ZNF483: variants seen among roughly 807,000 people sequenced by gnomAD.
The protein encoded by ZNF483 is zinc finger protein 483, also known as zinc finger protein HIT-10.
Under a neutral mutation model 28.6 loss-of-function variants are expected in ZNF483, and 9 were observed. The ratio of observed to expected loss-of-function variants is 0.32; its 90% CI spans 0.19 to 0.55. ZNF483 has a LOEUF of 0.55. ZNF483 is among the 20% of genes least tolerant of loss of function. ZNF483 has a pLI of 0.93. For synonymous variants in ZNF483, 322 were observed against 306.2 expected (o/e 1.05, Z -0.54); for missense variants, 675 against 871.7 (o/e 0.77, Z 2.84).
At position 111,533,885 on chromosome 9, in the gene ZNF483, A is replaced by G. The variant is rs112665768; in HGVS notation, c.628+20A>G. ...TTCTGGGTAAAGACACCTTTTCTTC[A>G]TTACCTAGCGTTTAACCTTGGGTCT... On this transcript the variant is annotated intron_variant, in intron 4 of 5. Transcript: ENST00000309235. 9 of 1,587,284 alleles carry G rather than the reference A, an allele frequency of 5.7e-6. No homozygotes were observed. The highest frequency in any genetic ancestry group is 6.8e-6 in the Non-Finnish European group (8 of 1,173,532).
rs1827977947 is a variant in ZNF483, at chr9:111,552,017, T to G, written c.*8847T>G. On this transcript the variant is annotated 3_prime_UTR_variant, in exon 6 of 6. Transcript: ENST00000309235. ...TTTGTATTATGAAATGTTTCTATTG[T>G]AAATAAATTCTTTTACCTGTCTAGC... 6.6e-6 allele frequency among the ~76,000 whole-genome samples: 1 copy of G among 152,232 alleles called. No homozygotes were observed. Among genetic ancestry groups the G allele is most frequent in the Non-Finnish European group, 1.5e-5 (1 of 68,032 alleles).
chr9:111,570,772 C>G (rs767438080), intron 5 of ZNF483, among the ~76,000 whole-genome samples: 12 of 151,946 alleles, frequency 7.9e-5, no homozygotes, highest in Non-Finnish European at 1.6e-4. Flanking sequence ...GAATGAGACT[C>G]TGCCTCAAAA....
At chr9:111,535,318 A>G (rs7341895) in intron 5 of ZNF483, among the ~76,000 whole-genome samples, 152,132 of 152,374 alleles carry the variant, frequency 1, 75,945 homozygotes, top group Middle Eastern at 1. Context: ...TATCAAGCAC[A>G]TGTATAAGGA....
chr9:111,530,780 T>TACAC (rs1564591163), intron 2 of ZNF483, 95 bp from the exon 3 acceptor site: 1 of 54,914 alleles, frequency 1.8e-5, no homozygotes, highest in African/African-American at 1.2e-4. Flanking sequence ...TATATATATA[T>TACAC]ATATATATAT....
At position 111,531,057 on chromosome 9, in the gene ZNF483, G is replaced by A. The variant is rs568074457; in HGVS notation, c.501+94G>A. On this transcript the variant is annotated intron_variant, in intron 3 of 5. Coordinates refer to ENST00000309235, the MANE Select transcript of ZNF483 (RefSeq NM_133464.5). ...GATATAAAAATAAAAGGCTAGGCAC[G>A]GTGGCTTACACCTGTAATCCCAGCA... The A allele has an allele frequency of 1.7e-5, 8 of 463,194 alleles. No homozygotes were observed. The East Asian group carries it at 2.0e-4, about 11-fold the overall frequency. 28.7% of individuals were successfully genotyped at this position (463,194 alleles called of 1,614,324 possible).
At position 111,526,120 on chromosome 9, in the gene ZNF483, C is replaced by G. The variant is rs188045803; in HGVS notation, c.-129+858C>G. On this transcript the variant is annotated intron_variant, in intron 1 of 5. Coordinates refer to ENST00000309235, the MANE Select transcript of ZNF483 (RefSeq NM_133464.5). ...AGGGCAGTCTGTGTGCAAAGGAGTG[C>G]TTTGGGATCAAGCAGAGCATCACAC... 4.0e-3 allele frequency among the ~76,000 whole-genome samples: 607 copies of G among 152,196 alleles called. 5 individuals carry two copies. The highest frequency in any genetic ancestry group is 0.014 in the African/African-American group (584 of 41,508).
intron 5 of ZNF483, among the ~76,000 whole-genome samples, chr9:111,572,695 T>C (rs1280822730): frequency 6.6e-5 from 9 of 136,676 alleles, no homozygotes; most frequent in African/African-American, 2.5e-4. Context: ...AGGTGGAGGC[T>C]GCAGTGAGCC....
intron 5 of ZNF483, among the ~76,000 whole-genome samples, chr9:111,540,664 G>A (rs553417093): frequency 6.6e-6 from 1 of 152,192 alleles, no homozygotes; most frequent in East Asian, 1.9e-4. Context: ...AAGGCTGATA[G>A]GGCCAGCTGT....
rs968011068 is a variant in ZNF483, at chr9:111,548,654, C to A, written c.*5484C>A. ...GTTGAATACAAGTAGCAAAAGCAGG[C>A]ATCTGTGCCTTTTCCTGAAATGCTT... On this transcript the variant is annotated 3_prime_UTR_variant, in exon 6 of 6. Transcript: ENST00000309235. 6.6e-6 allele frequency among the ~76,000 whole-genome samples: 1 copy of A among 152,212 alleles called. No homozygotes were observed. The highest frequency in any genetic ancestry group is 1.5e-5 in the Non-Finnish European group (1 of 68,034).
At chr9:111,568,831 A>C (rs1279227392) in intron 5 of ZNF483, among the ~76,000 whole-genome samples, 1 of 152,210 alleles carries the variant, frequency 6.6e-6, no homozygotes, top group Non-Finnish European at 1.5e-5. Flanking sequence ...CCCCCGATAC[A>C]CTACAAGCAT....
At chr9:111,527,102 C>CAA (rs996647246) in intron 1 of ZNF483, among the ~76,000 whole-genome samples, 166 bp from the exon 2 acceptor site, 3 of 142,470 alleles carry the variant, frequency 2.1e-5, no homozygotes, top group African/African-American at 7.6e-5. Context: ...AACTCCGTCT[C>CAA]AAAAAAAAAA....
chr9:111,575,077 G>A (rs1325925643), intron 5 of ZNF483, among the ~76,000 whole-genome samples: 6 of 152,142 alleles, frequency 3.9e-5, no homozygotes, highest in Admixed American at 2.6e-4. Context: ...GAGGTGGGTG[G>A]ATCACCTGAG....
chr9:111,536,255 C>A (rs1013400359), intron 5 of ZNF483, among the ~76,000 whole-genome samples: 6 of 151,800 alleles, frequency 4.0e-5, no homozygotes, highest in East Asian at 1.9e-4. Context: ...CGTGGTGGCT[C>A]ACACCTGTAA....
downstream of ZNF483, among the ~76,000 whole-genome samples, chr9:111,558,342 C>G (rs1316548093): frequency 6.6e-6 from 1 of 152,164 alleles, no homozygotes; most frequent in Non-Finnish European, 1.5e-5. Context: ...GTTCTTTCAA[C>G]ATGACTTCAT....
downstream of ZNF483, among the ~76,000 whole-genome samples, chr9:111,559,188 A>C (rs1486698010): frequency 6.6e-6 from 1 of 151,692 alleles, no homozygotes; most frequent in East Asian, 1.9e-4. Context: ...CAGGTCACTC[A>C]CTCGCACGTG....
chr9:111,533,922 C>T (rs1827410873), intron 4 of ZNF483, 57 bp downstream of exon 4: 19 of 1,566,908 alleles, frequency 1.2e-5, no homozygotes, highest in Non-Finnish European at 1.6e-5. Context: ...TTTTTGTTCC[C>T]TTTTATTGAA....
In ZNF483 at chr9:111,545,952, T is replaced by C. The variant is rs1406356304; in HGVS notation, c.*2782T>C. Among the ~76,000 whole-genome samples, 1 of 152,212 alleles carries C rather than the reference T, an allele frequency of 6.6e-6. No homozygotes were observed. Among genetic ancestry groups the C allele is most frequent in the Non-Finnish European group, 1.5e-5 (1 of 68,028 alleles). ...GAGTTGCTAGGTCATACGGTAAATT[T>C]TCATTTAACTTTTTTAGGAAACTGC... On this transcript the variant is annotated 3_prime_UTR_variant, in exon 6 of 6. Transcript: ENST00000309235.
At chr9:111,556,844 T>C (rs958959499), downstream of ZNF483, among the ~76,000 whole-genome samples, 1 of 152,246 alleles carries the variant, frequency 6.6e-6, no homozygotes, top group Non-Finnish European at 1.5e-5. Context: ...CCCCCAGCCA[T>C]GCTTCCTGTA....
intron 2 of ZNF483, among the ~76,000 whole-genome samples, chr9:111,528,986 A>G (rs1021292745): frequency 6.6e-6 from 1 of 152,154 alleles, no homozygotes; most frequent in Non-Finnish European, 1.5e-5. Flanking sequence ...TCTCTACAAA[A>G]ATACAAACTC....
Sources: allele counts gnomAD v4.1 joint callset (sites outside exome capture counted in the v4.1 genomes callset), GRCh38; gene constraint gnomAD v4.1.1; transcripts MANE v1.5; gene names NCBI Gene and HGNC (gene_info 2026-07-23, HGNC 2026-07-21).